Variants in TNN observed in about 807,000 individuals in gnomAD.
The protein encoded by TNN is tenascin-N.
A neutral mutation model predicts 134.4 loss-of-function variants in TNN; 122 were observed. That is an observed-to-expected ratio of 0.91 (90% CI 0.78 to 1.06). The LOEUF is 1.06. Ranked by LOEUF, TNN falls within the 50% of genes least tolerant of loss-of-function variation. The probability of loss-of-function intolerance (pLI) is 0.00; values close to 1 mark genes in which losing one functional copy is unlikely to be tolerated. For synonymous variants in TNN, 710 were observed against 670.3 expected (o/e 1.06, Z -0.91); for missense variants, 1,739 against 1,699.4 (o/e 1.02, Z -0.41).
chr1:175,095,055 C>T (rs979882219), intron 7 of TNN, among the ~76,000 whole-genome samples: 2 of 152,172 alleles, frequency 1.3e-5, no homozygotes, highest in East Asian at 3.8e-4. Context: ...AGCTGAGTGG[C>T]TTTGAGCAAG....
intron 14 of TNN, among the ~76,000 whole-genome samples, 179 bp from the exon 15 acceptor site, chr1:175,128,416 C>T (rs1379718281): frequency 1.3e-5 from 2 of 152,080 alleles, no homozygotes; most frequent in Non-Finnish European, 2.9e-5. Context: ...TTGACCTTTT[C>T]CTGGTGCATT....
Position 175,079,569 on chromosome 1 carries a change from G to A in TNN, c.646G>A (p.Val216Met), listed in dbSNP as rs1674143288. The change falls in exon 3 of 19, where the codon GTG becomes ATG. Residue 216 changes from valine to methionine, a missense_variant. Transcript: ENST00000239462. The stretch of plus-strand genomic sequence containing the variant: ...CGGACACGGCGAGTGCGTGCGCGGC[G>A]TGTGCCAGTGCCACGAAGACTTCAT... ...CSGHGECVRG[V>M]CQCHEDFMSE... The A allele has an allele frequency of 1.9e-6, 3 of 1,582,982 alleles. No individual in the cohort carries two copies. Among genetic ancestry groups the A allele is most frequent in the African/African-American group, 1.3e-5 (1 of 74,288 alleles).
intron 17 of TNN, among the ~76,000 whole-genome samples, chr1:175,138,907 T>C (rs1165390372): frequency 6.6e-6 from 1 of 152,200 alleles, no homozygotes; most frequent in East Asian, 1.9e-4. Context: ...GTATGGCATG[T>C]TACTAAATAT....
At chr1:175,084,301 C>A (rs115942111) in intron 5 of TNN, among the ~76,000 whole-genome samples, 3,312 of 150,096 alleles carry the variant, frequency 0.022, 126 homozygotes, top group African/African-American at 0.077. Context: ...CAGGAGGGAA[C>A]AGAAAGAGAG....
intron 8 of TNN, 100 bp downstream of exon 8, chr1:175,097,783 TTAGAAGTCTTAAAGA>T: frequency 6.8e-7 from 1 of 1,478,884 alleles, no homozygotes; most frequent in African/African-American, 1.4e-5. Context: ...GACTTTGCAA[TTAGAAGTCTTAAAGA>T]TGAAAGAAAG....
chr1:175,068,456 G>A (rs2149423631), intron 1 of TNN, among the ~76,000 whole-genome samples: 1 of 152,180 alleles, frequency 6.6e-6, no homozygotes. Flanking sequence ...TCAGTTAAGG[G>A]GATGTTTGCA....
Position 175,136,981 on chromosome 1 carries a change from C to T in TNN, c.3588C>T (p.Gly1196=). The change falls in exon 17 of 19, where the codon GGC becomes GGT. Residue 1196 remains glycine (G), a synonymous_variant. Coordinates refer to ENST00000239462, the MANE Select transcript of TNN (RefSeq NM_022093.2). ...AGCTGACAGTTGGGAAATACAGAGG[C>T]ACGGCAGGTGAGAAAAAATGTTTTC... The part of the protein sequence containing the change: ...RYKLTVGKYR[G]TAGDALTYHN... The T allele has an allele frequency of 1.2e-6, 2 of 1,613,896 alleles. No homozygotes were observed. The highest frequency in any genetic ancestry group is 1.7e-6 in the Non-Finnish European group (2 of 1,179,890).
chr1:175,125,727 TTCTTTCTTTCTTTCTTTC>T (rs1675501556), intron 12 of TNN, among the ~76,000 whole-genome samples: 1 of 100,130 alleles, frequency 1.0e-5, no homozygotes, highest in African/African-American at 4.6e-5. Context: ...CTTTCTTTCT[TTCTTTCTTTCTTTCTTTC>T]TTTCTTTCTT....
intron 1 of TNN, among the ~76,000 whole-genome samples, chr1:175,069,089 T>TA (rs1452715280): frequency 6.6e-6 from 1 of 151,720 alleles, no homozygotes; most frequent in Non-Finnish European, 1.5e-5. Context: ...ATATAAGCAT[T>TA]AAAAAAAAGA....
chr1:175,084,080 A>C (rs1674269919), intron 5 of TNN, 145 bp downstream of exon 5: 5 of 835,306 alleles, frequency 6.0e-6, no homozygotes, highest in Non-Finnish European at 8.9e-6. Context: ...CTGACCCTTG[A>C]ATCTGCCAGA....
chr1:175,099,097 T>G (rs550319288), intron 9 of TNN, among the ~76,000 whole-genome samples: 3 of 152,218 alleles, frequency 2.0e-5, no homozygotes. Flanking sequence ...CCCCCAGATG[T>G]AATTATGTCT....
chr1:175,098,290 AT>A, intron 8 of TNN, 41 bp from the exon 9 acceptor site: 1 of 1,613,626 alleles, frequency 6.2e-7, no homozygotes, highest in South Asian at 1.1e-5. Flanking sequence ...TATGTCTTCC[AT>A]GGCTTCAGAG....
intron 9 of TNN, 139 bp from the exon 10 acceptor site, chr1:175,116,800 C>A: frequency 8.4e-7 from 1 of 1,194,676 alleles, no homozygotes; most frequent in South Asian, 1.3e-5. Flanking sequence ...AGGTCTATAT[C>A]CATGAAACAA....
chr1:175,141,605 C>G (rs1384320326), intron 17 of TNN, among the ~76,000 whole-genome samples: 1 of 152,244 alleles, frequency 6.6e-6, no homozygotes, highest in African/African-American at 2.4e-5. Flanking sequence ...CTGACACACA[C>G]TACTGTGTCT....
rs1675198751 is a variant in TNN, at chr1:175,117,010, G to A, written c.2191G>A (p.Val731Met). ...ENMATVSWDP[V>M]RATIDRYVVR... ...TATGGCCACTGTCTCCTGGGACCCG[G>A]TGCGGGCCACCATTGACAGGTATGT... Residue 731 changes from valine (V) to methionine (M), a missense_variant, in exon 10 of 19, where the codon GTG becomes ATG. Val to Met is a conservative substitution (Grantham distance 21). Coordinates refer to ENST00000239462, the MANE Select transcript of TNN (RefSeq NM_022093.2). 1 of 1,614,110 alleles carries A rather than the reference G, an allele frequency of 6.2e-7. No homozygotes were observed. Among genetic ancestry groups the A allele is most frequent in the African/African-American group, 1.3e-5 (1 of 74,930 alleles).
rs1674135069 is a variant in TNN at position 175,079,402 on chromosome 1, G to A, written c.479G>A (p.Gly160Asp). Residue 160 changes from glycine to aspartate, a missense_variant, in exon 3 of 19, where the codon GGC becomes GAC. By Grantham distance (94) the Gly-to-Asp change is moderately conservative. Coordinates refer to ENST00000239462, the MANE Select transcript of TNN (RefSeq NM_022093.2). ...LETCSCHCEE[G>D]REGPACERLA... is the part of the protein sequence containing the mutation. ...ACCTGCAGCTGCCACTGCGAAGAGG[G>A]CAGGGAGGGCCCCGCCTGCGAGCGG... The A allele has an allele frequency of 6.3e-7, 1 of 1,597,028 alleles. No individual in the cohort carries two copies. The highest frequency in any genetic ancestry group is 1.7e-5 in the Admixed American group (1 of 58,808).
At chr1:175,074,520 G>A (rs1434722252) in intron 1 of TNN, among the ~76,000 whole-genome samples, 1 of 147,602 alleles carries the variant, frequency 6.8e-6, no homozygotes, top group Non-Finnish European at 1.5e-5. Flanking sequence ...GAAGTGTGCA[G>A]GCACTTATTA....
Position 175,079,594 on chromosome 1 carries a change from T to A in TNN, c.671T>A (p.Met224Lys), listed in dbSNP as rs375734720. The A allele has an allele frequency of 1.9e-6, 3 of 1,594,312 alleles. No individual in the cohort carries two copies. Among genetic ancestry groups the A allele is most frequent in the African/African-American group, 2.7e-5 (2 of 74,422 alleles). The change falls in exon 3 of 19, where the codon ATG (methionine) becomes AAG (lysine). Residue 224 changes from methionine to lysine, a missense_variant. Coordinates refer to ENST00000239462, the MANE Select transcript of TNN (RefSeq NM_022093.2). ...RGVCQCHEDF[M>K]SEDCSEKRCP... is the part of the protein sequence containing the mutation. ...GTGTGCCAGTGCCACGAAGACTTCATGTCGGAGGACTGCAGCGAGAAGCGC... is the reference window on the plus strand; with the variant it reads ...GTGTGCCAGTGCCACGAAGACTTCAAGTCGGAGGACTGCAGCGAGAAGCGC...
rs1161169147 is a variant in TNN at position 175,079,472 on chromosome 1, C to T, written c.549C>T (p.Asp183=). 11 of 1,563,028 alleles carry T rather than the reference C, an allele frequency of 7.0e-6. No homozygotes were observed. The highest frequency in any genetic ancestry group is 7.8e-6 in the Non-Finnish European group (9 of 1,156,342). ...GACSGHGRCV[D]GRCLCHEPYV... ...GCAGCGGCCACGGGCGTTGCGTGGACGGGCGCTGCCTGTGCCATGAGCCCT... is the reference window on the plus strand; with the variant it reads ...GCAGCGGCCACGGGCGTTGCGTGGATGGGCGCTGCCTGTGCCATGAGCCCT... Residue 183 remains aspartate, a synonymous_variant, in exon 3 of 19, where the codon GAC becomes GAT. Coordinates refer to ENST00000239462, the MANE Select transcript of TNN (RefSeq NM_022093.2).
Sources: allele counts gnomAD v4.1 joint callset (sites outside exome capture counted in the v4.1 genomes callset), GRCh38; gene constraint gnomAD v4.1.1; transcripts MANE v1.5; gene names NCBI Gene and HGNC (gene_info 2026-07-23, HGNC 2026-07-21).